The following THRB variants were observed in gnomAD, a reference collection of about 807,000 sequenced individuals.
The protein encoded by THRB is nuclear receptor subfamily 1 group A member 2.
A neutral mutation model predicts 47.8 loss-of-function variants in THRB; 12 were observed. The observed-to-expected ratio is 0.25, with a 90% CI of 0.16 to 0.41. The LOEUF is 0.41. THRB is among the 10% of genes least tolerant of loss of function. THRB has a pLI of 1.00. For missense variants in THRB, 348 were observed against 589.2 expected, an observed-to-expected ratio of 0.59 and a Z score of 4.24; for synonymous variants, 218 against 212.2, an observed-to-expected ratio of 1.03 and a Z score of -0.24.
intron 1 of THRB, among the ~76,000 whole-genome samples, chr3:24,390,797 AAT>A (rs1553743105): frequency 5.1e-5 from 7 of 137,852 alleles, no homozygotes; most frequent in East Asian, 2.1e-4. Context: ...AAAAAAAAAA[AAT>A]ATATATATAT....
At chr3:24,243,068 GA>G (rs71057662) in intron 3 of THRB, among the ~76,000 whole-genome samples, 4,751 of 91,792 alleles carry the variant, frequency 0.052, 118 homozygotes, top group Non-Finnish European at 0.056. Context: ...GCGCACCTTT[GA>G]AAAAAAAAAA....
At chr3:24,299,777 A>AT (rs1469621301) in intron 2 of THRB, among the ~76,000 whole-genome samples, 10 of 41,582 alleles carry the variant, frequency 2.4e-4, no homozygotes, top group South Asian at 1.4e-3. Flanking sequence ...TTTTTTATTT[A>AT]TTTATTTATT....
At chr3:24,142,828 T>C (rs2035615544) in intron 8 of THRB, among the ~76,000 whole-genome samples, 2 of 152,194 alleles carry the variant, frequency 1.3e-5, no homozygotes, top group South Asian at 2.1e-4. Flanking sequence ...AAAATGGGGA[T>C]AGTAATTCCA....
At chr3:24,486,135 G>T (rs1040749995) in intron 1 of THRB, among the ~76,000 whole-genome samples, 2 of 152,138 alleles carry the variant, frequency 1.3e-5, no homozygotes, top group African/African-American at 4.8e-5. Flanking sequence ...AGGGTTGGGG[G>T]AGCTATTGGC....
At chr3:24,427,849 G>A (rs988278001) in intron 1 of THRB, among the ~76,000 whole-genome samples, 18 of 152,012 alleles carry the variant, frequency 1.2e-4, no homozygotes, top group Admixed American at 3.9e-4. Context: ...GATTTGGTTA[G>A]TCTTATTCTT....
chr3:24,384,299 A>G (rs1222144528), intron 1 of THRB, among the ~76,000 whole-genome samples: 1 of 152,126 alleles, frequency 6.6e-6, no homozygotes, highest in Admixed American at 6.6e-5. Context: ...CAAGTTCTCT[A>G]AATTGTTATA....
intron 5 of THRB, among the ~76,000 whole-genome samples, chr3:24,161,920 A>G (rs58113144): frequency 0.017 from 2,417 of 144,406 alleles, 61 homozygotes; most frequent in African/African-American, 0.058. Flanking sequence ...ACAACTTTTC[A>G]AACATGCAAT....
intron 1 of THRB, among the ~76,000 whole-genome samples, chr3:24,459,719 G>A (rs2073526831): frequency 6.6e-6 from 1 of 152,150 alleles, no homozygotes; most frequent in South Asian, 2.1e-4. Flanking sequence ...GACCAGTGAT[G>A]ATGAGCTTTT....
intron 3 of THRB, among the ~76,000 whole-genome samples, chr3:24,256,225 T>C (rs1559749941): frequency 6.6e-6 from 1 of 152,006 alleles, no homozygotes; most frequent in Non-Finnish European, 1.5e-5. Context: ...GTCTAGAAAA[T>C]GGTCACTGGA....
intron 7 of THRB, chr3:24,145,018 T>G (rs1467487518): frequency 2.0e-5 from 3 of 150,798 alleles, no homozygotes; most frequent in African/African-American, 7.3e-5. Flanking sequence ...TTAGATTTGA[T>G]TGGATTGTCA....
intron 2 of THRB, among the ~76,000 whole-genome samples, chr3:24,319,177 C>A (rs1472629531): frequency 1.3e-5 from 2 of 152,162 alleles, no homozygotes; most frequent in African/African-American, 4.8e-5. Flanking sequence ...TTTCTATAAC[C>A]ACTTTGCAAA....
intron 4 of THRB, among the ~76,000 whole-genome samples, chr3:24,199,076 A>G (rs1029924880): frequency 3.3e-5 from 5 of 152,206 alleles, no homozygotes; most frequent in Non-Finnish European, 5.9e-5. Context: ...AATTACTACC[A>G]ACTGAACACC....
intron 1 of THRB, among the ~76,000 whole-genome samples, chr3:24,349,068 C>T (rs560407221): frequency 9.2e-5 from 14 of 152,084 alleles, no homozygotes; most frequent in South Asian, 8.3e-4. Context: ...TATATACCAA[C>T]GACAAACATT....
At chr3:24,309,238 G>A (rs186429756) in intron 2 of THRB, among the ~76,000 whole-genome samples, 26 of 152,258 alleles carry the variant, frequency 1.7e-4, no homozygotes, top group Non-Finnish European at 1.3e-4. Context: ...AATCAGAAAT[G>A]TTTTACATTG....
At chr3:24,241,551 C>A (rs1275833462) in intron 3 of THRB, among the ~76,000 whole-genome samples, 1 of 152,306 alleles carries the variant, frequency 6.6e-6, no homozygotes, top group Admixed American at 6.5e-5. Flanking sequence ...TGGATGGTGG[C>A]AGTCATGGCC....
chr3:24,402,191 C>T (rs976929667), intron 1 of THRB, among the ~76,000 whole-genome samples: 2 of 152,070 alleles, frequency 1.3e-5, no homozygotes, highest in African/African-American at 4.8e-5. Context: ...TAGAACTTTT[C>T]CCCAGCCACT....
At chr3:24,326,756 C>CTTTGTTTTTTTT (rs2061619279) in intron 2 of THRB, among the ~76,000 whole-genome samples, 1 of 50,026 alleles carries the variant, frequency 2.0e-5, no homozygotes, top group Non-Finnish European at 3.4e-5. Flanking sequence ...CCAGTCTTGT[C>CTTTGTTTTTTTT]TTTTTTTTTT....
intron 10 of THRB, 81 bp from the exon 11 acceptor site, chr3:24,123,206 G>T: frequency 6.3e-7 from 1 of 1,597,118 alleles, no homozygotes; most frequent in African/African-American, 1.3e-5. Context: ...GGCCTTTATT[G>T]GGGGGCGGGC....
intron 5 of THRB, among the ~76,000 whole-genome samples, chr3:24,188,747 C>T (rs751128401): frequency 1.1e-3 from 43 of 40,112 alleles, no homozygotes; most frequent in East Asian, 1.1e-3. Context: ...ATTTTGCGCA[C>T]GCACACACGT....
Sources: allele counts gnomAD v4.1 joint callset (sites outside exome capture counted in the v4.1 genomes callset), GRCh38; gene constraint gnomAD v4.1.1; transcripts MANE v1.5; gene names NCBI Gene and HGNC (gene_info 2026-07-23, HGNC 2026-07-21).